The following NHSL1 variants were observed in gnomAD, a reference collection of about 807,000 sequenced individuals.
NHSL1 encodes NHS like 1.
NHSL1 carries 48 observed loss-of-function variants against 95.0 expected under a neutral mutation model. The observed-to-expected ratio is 0.51, with a 90% confidence interval of 0.40 to 0.64. NHSL1 has a LOEUF of 0.64. Ranked by LOEUF, NHSL1 falls within the 30% of genes least tolerant of loss-of-function variation. NHSL1 has a pLI of 0.00. For synonymous variants in NHSL1, 783 were observed against 833.9 expected, an observed-to-expected ratio of 0.94 and a Z score of 1.05; for missense variants, 1,971 against 2,077.7, an observed-to-expected ratio of 0.95 and a Z score of 1.00.
At chr6:138,437,417 C>CACATAT (rs1776237250) in intron 5 of NHSL1, among the ~76,000 whole-genome samples, 1 of 27,430 alleles carries the variant, frequency 3.6e-5, no homozygotes, top group Non-Finnish European at 7.1e-5. Context: ...CACATATACA[C>CACATAT]ACACACACAC....
intron 1 of NHSL1, among the ~76,000 whole-genome samples, chr6:138,603,814 G>A (rs910560549): frequency 6.6e-6 from 1 of 152,102 alleles, no homozygotes; most frequent in Non-Finnish European, 1.5e-5. Context: ...TTTAAGATTG[G>A]TTTTCATTTT....
intron 1 of NHSL1, among the ~76,000 whole-genome samples, chr6:138,664,464 T>C (rs1319045398): frequency 2.0e-5 from 3 of 152,160 alleles, no homozygotes; most frequent in Non-Finnish European, 4.4e-5. Flanking sequence ...CACAGAGCAC[T>C]ACTGGGCAAA....
chr6:138,511,258 A>G (rs142821497), intron 1 of NHSL1, among the ~76,000 whole-genome samples: 1 of 152,248 alleles, frequency 6.6e-6, no homozygotes, highest in Non-Finnish European at 1.5e-5. Context: ...CGTGTACCTA[A>G]CAATATTTTT....
chr6:138,625,451 T>C (rs1029902793), intron 1 of NHSL1, among the ~76,000 whole-genome samples: 3 of 152,174 alleles, frequency 2.0e-5, no homozygotes, highest in African/African-American at 7.2e-5. Context: ...AGCTGGACAT[T>C]GCTTTTCCAG....
chr6:138,683,135 G>A (rs1027357333), intron 1 of NHSL1, among the ~76,000 whole-genome samples: 4 of 152,142 alleles, frequency 2.6e-5, no homozygotes, highest in South Asian at 2.1e-4. Context: ...AAAAGGCCCC[G>A]GAAACAGGCC....
intron 3 of NHSL1, among the ~76,000 whole-genome samples, chr6:138,455,466 AGCCCCGCCTTCACATGCTCCCTGCAAGG>A (rs1562287628): frequency 4.9e-4 from 11 of 22,372 alleles, no homozygotes; most frequent in South Asian, 3.7e-3. Flanking sequence ...AGCTGCAAGG[AGCCCCGCCTTCACATGCTCCCTGCAAGG>A]AGCCCCGCCT....
At chr6:138,630,338 T>C (rs1183244349) in intron 1 of NHSL1, among the ~76,000 whole-genome samples, 1 of 152,232 alleles carries the variant, frequency 6.6e-6, no homozygotes, top group Non-Finnish European at 1.5e-5. Context: ...TGTGGTTTTT[T>C]TCAATATGCT....
At chr6:138,549,287 G>A (rs1055047704), upstream of NHSL1, among the ~76,000 whole-genome samples, 2 of 152,218 alleles carry the variant, frequency 1.3e-5, no homozygotes, top group African/African-American at 2.4e-5. Context: ...GGAGGCTGAG[G>A]CAGGAGAATT....
At chr6:138,641,964 T>C (rs1293560602) in intron 1 of NHSL1, among the ~76,000 whole-genome samples, 2 of 152,122 alleles carry the variant, frequency 1.3e-5, no homozygotes, top group Admixed American at 6.6e-5. Context: ...TTTCAGACTA[T>C]AAAAAGAAAA....
intron 3 of NHSL1, among the ~76,000 whole-genome samples, chr6:138,467,242 C>A (rs1024203560): frequency 1.6e-4 from 25 of 151,926 alleles, no homozygotes; most frequent in African/African-American, 6.0e-4. Context: ...CGGCTCCGCC[C>A]CCCGGGTTCA....
Position 138,430,086 on chromosome 6 carries a change from C to T in NHSL1, c.3953-243G>A, listed in dbSNP as rs569453887. Among the ~76,000 whole-genome samples, 41 of 152,286 alleles carry T rather than the reference C, an allele frequency of 2.7e-4. No individual in the cohort carries two copies. The highest frequency in any genetic ancestry group is 7.5e-4 in the African/African-American group (31 of 41,560). ...GCATCTCTCTTAAATTTTGTTGCAACGTTTCTTTGCGCGGCTCTTCGGAAG... is the reference window on the plus strand; with the variant it reads ...GCATCTCTCTTAAATTTTGTTGCAATGTTTCTTTGCGCGGCTCTTCGGAAG... On this transcript the variant is annotated intron_variant, in intron 6 of 7. Coordinates refer to ENST00000343505, the MANE Select transcript of NHSL1 (RefSeq NM_001144060.2). This position sits in a 1 kb window ranked among gnomAD's most constrained non-coding sequence, Gnocchi z 4.7.
At chr6:138,499,134 G>GACAC (rs55946895) in intron 1 of NHSL1, 99 bp downstream of exon 1, 8,111 of 629,078 alleles carry the variant, frequency 0.013, 31 homozygotes, top group East Asian at 0.017. Flanking sequence ...CACACACATG[G>GACAC]ACACACACAC....
chr6:138,555,893 C>T (rs527929242), intron 1 of NHSL1, among the ~76,000 whole-genome samples: 1 of 152,244 alleles, frequency 6.6e-6, no homozygotes, highest in Non-Finnish European at 1.5e-5. Flanking sequence ...CATAGCCTCA[C>T]TGGGCCCTGT....
chr6:138,433,186 A>G lies in NHSL1; in HGVS notation c.1159T>C (p.Leu387=), dbSNP rs2327891. 1,226,685 of 1,550,538 alleles carry G rather than the reference A, an allele frequency of 0.79. 486,695 individuals are homozygous for G. Among genetic ancestry groups the G allele is most frequent in the East Asian group, 0.94 (38,206 of 40,856 alleles). Residue 387 remains leucine (L), a synonymous_variant, in exon 6 of 8, where the codon TTG becomes CTG. Transcript: ENST00000343505. ...ATATTTTCACTCTCGAAGTGTCTCAACTCCTGGGATTTGGGTCTCAAAAGT... is the reference window on the plus strand; with the variant it reads ...ATATTTTCACTCTCGAAGTGTCTCAGCTCCTGGGATTTGGGTCTCAAAAGT... ...GTLLRPKSQE[L]RHFESENIMS...
intron 3 of NHSL1, among the ~76,000 whole-genome samples, chr6:138,463,679 C>G (rs1479720630): frequency 6.6e-6 from 1 of 152,110 alleles, no homozygotes; most frequent in African/African-American, 2.4e-5. Context: ...TGCCCTAATG[C>G]TCTCCCTCCC....
chr6:138,571,206 T>C (rs920080823), intron 1 of NHSL1, among the ~76,000 whole-genome samples: 5 of 152,238 alleles, frequency 3.3e-5, no homozygotes, highest in African/African-American at 1.2e-4. Context: ...TTAAGCCCCT[T>C]GCGTGTTCAT....
At chr6:138,552,455 G>A (rs772641425) in intron 1 of NHSL1, among the ~76,000 whole-genome samples, 2 of 152,034 alleles carry the variant, frequency 1.3e-5, no homozygotes, top group Non-Finnish European at 2.9e-5. Flanking sequence ...ACACCCTCCT[G>A]AGCCAGTTCT....
At chr6:138,680,427 C>A (rs1039059803) in intron 1 of NHSL1, among the ~76,000 whole-genome samples, 1 of 152,124 alleles carries the variant, frequency 6.6e-6, no homozygotes. Flanking sequence ...AATGAAGTCA[C>A]CATCTCAGAG....
intron 1 of NHSL1, among the ~76,000 whole-genome samples, chr6:138,618,989 G>A (rs1583452141): frequency 6.6e-6 from 1 of 152,162 alleles, no homozygotes; most frequent in South Asian, 2.1e-4. Flanking sequence ...TTTCCTCTGA[G>A]TTTTTCTCTT....
Sources: allele counts gnomAD v4.1 joint callset (sites outside exome capture counted in the v4.1 genomes callset), GRCh38; gene constraint gnomAD v4.1.1; non-coding constraint Gnocchi (gnomAD v3.1); transcripts MANE v1.5; gene names NCBI Gene and HGNC (gene_info 2026-07-23, HGNC 2026-07-21).